RGS6: variants seen among roughly 807,000 people sequenced by gnomAD.
RGS6 encodes regulator of G-protein signaling 6.
RGS6 carries 30 observed loss-of-function variants against 78.5 expected under a neutral mutation model. That is an observed-to-expected ratio of 0.38 (90% CI 0.29 to 0.52). RGS6 has a LOEUF of 0.52. RGS6 is among the 20% of genes least tolerant of loss of function. The pLI, the probability that RGS6 is intolerant of heterozygous loss-of-function variation, is 0.85. For synonymous variants in RGS6, 206 were observed against 206.0 expected (o/e 1.00, Z 0.00); for missense variants, 495 against 609.7 (o/e 0.81, Z 1.98).
At chr14:72,144,746 ATT>A (rs534273802) in intron 2 of RGS6, among the ~76,000 whole-genome samples, 33 of 138,672 alleles carry the variant, frequency 2.4e-4, no homozygotes, top group East Asian at 2.1e-4. Flanking sequence ...TTCATGATTC[ATT>A]TTTTTTTTTT....
chr14:71,882,480 G>A, the RGS6 span, among the ~76,000 whole-genome samples: 35,552 of 152,042 alleles, frequency 0.23, 5,350 homozygotes, highest in Non-Finnish European at 0.32. Context: ...TATGTGGTTC[G>A]TTAAGAAAAA....
chr14:72,205,720 T>C (rs1380121201), intron 2 of RGS6, among the ~76,000 whole-genome samples: 1 of 152,234 alleles, frequency 6.6e-6, no homozygotes. Context: ...TTAAACACAT[T>C]TGAAATAAAA....
intron 3 of RGS6, among the ~76,000 whole-genome samples, chr14:72,395,002 TG>T (rs1260259510): frequency 6.6e-6 from 1 of 152,216 alleles, no homozygotes; most frequent in African/African-American, 2.4e-5. Flanking sequence ...TCCCTCCGTT[TG>T]GGGTCCCTGA....
chr14:72,413,830 C>T (rs2093609450), intron 3 of RGS6, among the ~76,000 whole-genome samples: 1 of 152,280 alleles, frequency 6.6e-6, no homozygotes, highest in South Asian at 2.1e-4. Flanking sequence ...ACTTATGAAG[C>T]TTAGTTTGGC....
chr14:72,243,387 T>A (rs1161521786), intron 2 of RGS6, among the ~76,000 whole-genome samples: 1 of 152,108 alleles, frequency 6.6e-6, no homozygotes, highest in Non-Finnish European at 1.5e-5. Context: ...TGAACATCCC[T>A]TGGCAGCTTT....
At chr14:72,477,515 C>T (rs945346937) in intron 11 of RGS6, among the ~76,000 whole-genome samples, 1 of 151,624 alleles carries the variant, frequency 6.6e-6, no homozygotes, top group Middle Eastern at 3.2e-3. Flanking sequence ...TGGCGGGGCT[C>T]GGGGCTCGGT....
chr14:72,487,074 C>T (rs2096500623), intron 12 of RGS6, among the ~76,000 whole-genome samples: 1 of 151,966 alleles, frequency 6.6e-6, no homozygotes, highest in African/African-American at 2.4e-5. Flanking sequence ...TGCTAAATGC[C>T]CAGGTCACCC....
intron 2 of RGS6, among the ~76,000 whole-genome samples, chr14:72,253,729 C>G (rs1017902971): frequency 2.0e-5 from 3 of 152,176 alleles, no homozygotes; most frequent in Admixed American, 2.0e-4. Flanking sequence ...TAAGTGGTGG[C>G]TACTCTGTCA....
At chr14:72,173,264 T>C (rs930999201) in intron 2 of RGS6, among the ~76,000 whole-genome samples, 4 of 152,090 alleles carry the variant, frequency 2.6e-5, no homozygotes, top group African/African-American at 9.7e-5. Context: ...ACAGGGCAGC[T>C]GCCCACAACA....
At chr14:72,169,610 T>C (rs2096981270) in intron 2 of RGS6, among the ~76,000 whole-genome samples, 1 of 152,240 alleles carries the variant, frequency 6.6e-6, no homozygotes, top group Admixed American at 6.5e-5. Flanking sequence ...TAGTTTATTG[T>C]TTCTTTTCTT....
At chr14:71,992,376 T>G (rs952530385) in intron 2 of RGS6, among the ~76,000 whole-genome samples, 10 of 152,358 alleles carry the variant, frequency 6.6e-5, no homozygotes, top group African/African-American at 2.4e-4. Context: ...CTTATTGATA[T>G]ATCATTATTT....
chr14:71,980,011 T>C (rs1469132210), intron 2 of RGS6, among the ~76,000 whole-genome samples: 1 of 139,484 alleles, frequency 7.2e-6, no homozygotes, highest in East Asian at 2.1e-4. Context: ...TTTACCATTA[T>C]GTAATGGCCT....
At chr14:71,962,251 T>C (rs2093253129) in intron 1 of RGS6, among the ~76,000 whole-genome samples, 1 of 152,184 alleles carries the variant, frequency 6.6e-6, no homozygotes. Flanking sequence ...CAGCCTGTTT[T>C]AACACACACA....
At chr14:72,098,514 A>G (rs796287452) in intron 2 of RGS6, among the ~76,000 whole-genome samples, 75 of 152,316 alleles carry the variant, frequency 4.9e-4, no homozygotes, top group African/African-American at 1.7e-3. Context: ...TTTTAGCTTA[A>G]TGAGCACGAA....
At chr14:72,066,250 ATC>A (rs1253746651) in intron 2 of RGS6, among the ~76,000 whole-genome samples, 1 of 152,078 alleles carries the variant, frequency 6.6e-6, no homozygotes, top group Non-Finnish European at 1.5e-5. Flanking sequence ...AGATTTTGCT[ATC>A]TCTCCAGGTT....
At chr14:72,165,073 G>C (rs1212841227) in intron 2 of RGS6, among the ~76,000 whole-genome samples, 1 of 152,212 alleles carries the variant, frequency 6.6e-6, no homozygotes, top group Non-Finnish European at 1.5e-5. Flanking sequence ...TGGTAGCTCA[G>C]CTGATACTTT....
rs926183377 is a variant in RGS6 at position 72,024,641 on chromosome 14, G to A, written c.84+59766G>A. Among the ~76,000 whole-genome samples, 58 of 152,198 alleles carry A rather than the reference G, an allele frequency of 3.8e-4. 1 individual carries two copies. Among genetic ancestry groups the A allele is most frequent in the African/African-American group, 1.3e-3 (55 of 41,518 alleles). On this transcript the variant is annotated intron_variant, in intron 2 of 17. Coordinates refer to ENST00000553525, the MANE Select transcript of RGS6 (RefSeq NM_001204424.2). ...TATGTTGAAATAGGTTTCTGTGGTC[G>A]AAATTCTCAGAAAAGTCCCACAAGA... is the stretch of plus-strand genomic sequence containing the variant.
chr14:71,926,503 G>A, the RGS6 span, among the ~76,000 whole-genome samples: 1 of 150,494 alleles, frequency 6.6e-6, no homozygotes, highest in Non-Finnish European at 1.5e-5. Context: ...AGAATCGCTT[G>A]AACCCAGGAG....
Position 72,282,273 on chromosome 14 carries a change from C to T in RGS6, c.85-69822C>T, listed in dbSNP as rs573500970. 9.2e-5 allele frequency among the ~76,000 whole-genome samples: 14 copies of T among 152,284 alleles called. No individual in the cohort carries two copies. The South Asian group carries it at 2.7e-3, about 29-fold the overall frequency. ...ATACTTGACCTTCATGTGACCCTTT[C>T]CATCTCTTTGTGACCAAGTACCAAG... On this transcript the variant is annotated intron_variant, in intron 2 of 17. Coordinates refer to ENST00000553525, the MANE Select transcript of RGS6 (RefSeq NM_001204424.2).
Sources: gnomAD v4.1 joint callset for allele counts (sites outside exome capture counted in the v4.1 genomes callset) on GRCh38, gnomAD v4.1.1 for gene constraint, MANE v1.5 for transcripts, NCBI Gene and HGNC (gene_info 2026-07-23, HGNC 2026-07-21) for gene names.